The following SHTN1 variants were observed in gnomAD, a reference collection of about 807,000 sequenced individuals.
SHTN1 encodes the protein shootin-1.
SHTN1 carries 42 observed loss-of-function variants against 83.1 expected under a neutral mutation model. The observed-to-expected ratio is 0.51, with a 90% CI of 0.39 to 0.65. The LOEUF (loss-of-function observed/expected upper bound fraction) is 0.65. Among genes scored for constraint, SHTN1 ranks in the 30% least tolerant of loss-of-function variants. SHTN1 has a pLI of 0.00. For synonymous variants in SHTN1, 224 were observed against 247.7 expected (o/e 0.90, Z 0.90); for missense variants, 622 against 737.8 (o/e 0.84, Z 1.82).
At chr10:116,892,939 A>G (rs940750987) in intron 16 of SHTN1, among the ~76,000 whole-genome samples, 1 of 152,236 alleles carries the variant, frequency 6.6e-6, no homozygotes, top group Non-Finnish European at 1.5e-5. Context: ...CTATGCAGAA[A>G]TGGTATATTT....
chr10:117,035,512 A>C (rs1852481618), intron 2 of SHTN1, among the ~76,000 whole-genome samples: 1 of 152,178 alleles, frequency 6.6e-6, no homozygotes, highest in South Asian at 2.1e-4. Flanking sequence ...TGCACAACAA[A>C]GGAAACAATT....
intron 1 of SHTN1, among the ~76,000 whole-genome samples, chr10:117,000,890 T>C (rs955276772): frequency 6.6e-6 from 1 of 152,188 alleles, no homozygotes; most frequent in African/African-American, 2.4e-5. Flanking sequence ...AGAGGCAAGG[T>C]CTTATTCAGC....
At chr10:117,048,708 T>C (rs962572894) in intron 1 of SHTN1, among the ~76,000 whole-genome samples, 2 of 152,260 alleles carry the variant, frequency 1.3e-5, no homozygotes, top group Non-Finnish European at 2.9e-5. Context: ...TGACAGTCAC[T>C]AATATATCTA....
rs184756639 is a variant in SHTN1 at position 117,052,738 on chromosome 10, G to C, written c.-188-4228C>G. 5.3e-4 allele frequency among the ~76,000 whole-genome samples: 81 copies of C among 151,952 alleles called. No individual in the cohort carries two copies. The East Asian group carries it at 0.015, about 29-fold the overall frequency. On this transcript the variant is annotated intron_variant, in intron 1 of 17. Transcript: ENST00000392901. ...ATCCACATGTAAAAGAATTAAGTTG[G>C]GCCGAGTGCGGTGGCTCACGCCTCT...
At chr10:117,118,427 G>A (rs1312908350) in intron 1 of SHTN1, among the ~76,000 whole-genome samples, 1 of 148,968 alleles carries the variant, frequency 6.7e-6, no homozygotes, top group Non-Finnish European at 1.5e-5. Flanking sequence ...TGGAGAAAGG[G>A]GAACTCTCAT....
At chr10:117,039,378 T>G (rs139169045) in intron 2 of SHTN1, among the ~76,000 whole-genome samples, 1 of 152,274 alleles carries the variant, frequency 6.6e-6, no homozygotes, top group African/African-American at 2.4e-5. Flanking sequence ...GCAGGGACTT[T>G]ACTCTGTATG....
intron 2 of SHTN1, among the ~76,000 whole-genome samples, chr10:116,971,577 A>T (rs764818460): frequency 6.6e-6 from 1 of 151,892 alleles, no homozygotes; most frequent in Non-Finnish European, 1.5e-5. Context: ...TTTCCCCACC[A>T]CCCCTACCAG....
At chr10:116,932,269 CAGA>C (rs1848999235) in intron 9 of SHTN1, among the ~76,000 whole-genome samples, 1 of 152,170 alleles carries the variant, frequency 6.6e-6, no homozygotes. Flanking sequence ...CCAGGCTGCA[CAGA>C]AGGTTAGCAG....
At chr10:117,073,259 G>C (rs1317072021) in intron 1 of SHTN1, among the ~76,000 whole-genome samples, 1 of 152,172 alleles carries the variant, frequency 6.6e-6, no homozygotes, top group Non-Finnish European at 1.5e-5. Context: ...AGGAAGAAGA[G>C]AAATCAGCTT....
rs191998070 is a variant in SHTN1 at position 116,940,550 on chromosome 10, A to G, written c.774T>C (p.Pro258=). The G allele has an allele frequency of 1.3e-5, 21 of 1,614,072 alleles. No homozygotes were observed. In the East Asian group the frequency reaches 4.5e-4, roughly 34 times the overall value. ...CTAAAGCTTTCAAAAGCTGCTGATC[A>G]GGGATGGAGCTCTGCAGCAGAAGGT... The part of the protein sequence containing the change: ...QSHLLLQSSI[P]DQQLLKALDE... The change falls in exon 9 of 17, where the codon CCT becomes CCC. Residue 258 remains proline, a synonymous_variant. Transcript: ENST00000355371.
chr10:117,098,083 G>C (rs1433696252), intron 1 of SHTN1, among the ~76,000 whole-genome samples: 4 of 151,892 alleles, frequency 2.6e-5, no homozygotes, highest in African/African-American at 7.3e-5. Flanking sequence ...AGGCACTCCT[G>C]GTGTGCTTTT....
rs560243503 is a variant in SHTN1, at chr10:116,956,435, TATG to T, written c.268-2228_268-2226del. Among the ~76,000 whole-genome samples, 112 of 152,310 alleles carry T rather than the reference TATG, an allele frequency of 7.4e-4. 2 individuals are homozygous for T. The South Asian group carries it at 0.022, about 30-fold the overall frequency. ...AATTAAGATAGTCTGTATCCCACAA[TATG>T]ATGACTAAATGAGACATTATATATA... On this transcript the variant is annotated intron_variant, in intron 4 of 16. Transcript: ENST00000355371.
chr10:117,017,735 A>G (rs981491896), intron 2 of SHTN1, among the ~76,000 whole-genome samples: 2 of 152,180 alleles, frequency 1.3e-5, no homozygotes, highest in African/African-American at 4.8e-5. Flanking sequence ...TTCCAAAAAT[A>G]AGAGATGGAA....
chr10:116,906,101 T>C (rs537719756), intron 15 of SHTN1, among the ~76,000 whole-genome samples: 1 of 152,398 alleles, frequency 6.6e-6, no homozygotes, highest in East Asian at 1.9e-4. Context: ...CTACTGCAAC[T>C]ACTAAATGAG....
chr10:116,912,951 G>A (rs1197174247), intron 13 of SHTN1, among the ~76,000 whole-genome samples: 2 of 152,138 alleles, frequency 1.3e-5, no homozygotes, highest in African/African-American at 2.4e-5. Context: ...GTACAAAGCT[G>A]ACTAAGGCAT....
At chr10:117,056,063 GA>G (rs1190414899) in intron 1 of SHTN1, among the ~76,000 whole-genome samples, 1 of 152,096 alleles carries the variant, frequency 6.6e-6, no homozygotes, top group Non-Finnish European at 1.5e-5. Context: ...AACCATCAAA[GA>G]AGTTGAATTG....
intron 2 of SHTN1, among the ~76,000 whole-genome samples, chr10:117,042,344 A>G (rs1481184929): frequency 6.6e-6 from 1 of 152,150 alleles, no homozygotes; most frequent in African/African-American, 2.4e-5. Context: ...ACAGAAAAGA[A>G]TATATATTCC....
At chr10:116,988,154 A>C (rs1851289019) in intron 1 of SHTN1, among the ~76,000 whole-genome samples, 1 of 152,202 alleles carries the variant, frequency 6.6e-6, no homozygotes, top group African/African-American at 2.4e-5. Flanking sequence ...CAATTCTAAC[A>C]AATGTACCAC....
chr10:117,066,338 G>A (rs534838328), intron 1 of SHTN1, among the ~76,000 whole-genome samples: 12 of 152,134 alleles, frequency 7.9e-5, no homozygotes, highest in African/African-American at 1.7e-4. Context: ...ATTATACAGC[G>A]ATGAACAGAA....
Sources: gnomAD v4.1 joint callset for allele counts (sites outside exome capture counted in the v4.1 genomes callset) on GRCh38, gnomAD v4.1.1 for gene constraint, MANE v1.5 for transcripts, NCBI Gene and HGNC (gene_info 2026-07-23, HGNC 2026-07-21) for gene names.